Variants in OSBPL8 observed in about 807,000 individuals in gnomAD.
The protein encoded by OSBPL8 is oxysterol-binding protein-related protein 8.
OSBPL8 carries 59 observed loss-of-function variants against 125.5 expected under a neutral mutation model. That is an observed-to-expected ratio of 0.47 (90% CI 0.38 to 0.58). OSBPL8 has a LOEUF of 0.58. Ranked by LOEUF, OSBPL8 falls within the 20% of genes least tolerant of loss-of-function variation. OSBPL8 has a pLI of 0.00. For missense variants in OSBPL8, 758 were observed against 1,047.8 expected (o/e 0.72, Z 3.82); for synonymous variants, 330 against 338.9 (o/e 0.97, Z 0.29).
chr12:76,388,871 G>A (rs747914340), intron 12 of OSBPL8, among the ~76,000 whole-genome samples: 4 of 151,516 alleles, frequency 2.6e-5, no homozygotes, highest in African/African-American at 9.7e-5. Context: ...TTCAATGTTC[G>A]CTCATGCCAT....
At chr12:76,424,485 T>C (rs1052516650) in intron 4 of OSBPL8, among the ~76,000 whole-genome samples, 11 of 152,190 alleles carry the variant, frequency 7.2e-5, no homozygotes, top group Admixed American at 5.2e-4. Context: ...TTATTAACTG[T>C]AGACAACAAA....
chr12:76,507,297 A>G (rs1386010702), intron 1 of OSBPL8, among the ~76,000 whole-genome samples: 1 of 151,750 alleles, frequency 6.6e-6, no homozygotes, highest in Non-Finnish European at 1.5e-5. Context: ...GTCACAGGGA[A>G]AAGGAAGGAG....
chr12:76,381,366 T>C (rs956444345), intron 15 of OSBPL8, among the ~76,000 whole-genome samples: 1 of 152,200 alleles, frequency 6.6e-6, no homozygotes, highest in African/African-American at 2.4e-5. Context: ...CTGGAGTATA[T>C]CCTTGAAGAA....
chr12:76,366,469 T>C (rs932748691), intron 21 of OSBPL8: 5 of 347,488 alleles, frequency 1.4e-5, no homozygotes, highest in African/African-American at 1.1e-4. Flanking sequence ...ATCGATTTTG[T>C]TGATTTTTAT....
chr12:76,410,622 CCT>C lies in OSBPL8; in HGVS notation c.228_229del (p.Gly77GlufsTer8). On this transcript the variant is annotated frameshift_variant, in exon 5 of 24. Coordinates refer to ENST00000261183, the MANE Select transcript of OSBPL8 (RefSeq NM_020841.5). LOFTEE classifies it high-confidence loss of function. ...TTTATTTTGAGAAATATCTTCCTTC[CCT>C]CTTTCAAAACCTTAAAAAAATAGTC... 6.2e-7 allele frequency: 1 copy of C among 1,604,950 alleles called. No homozygotes were observed. The highest frequency in any genetic ancestry group is 8.5e-7 in the Non-Finnish European group (1 of 1,172,938).
chr12:76,377,743 T>C (rs914926765), intron 16 of OSBPL8, among the ~76,000 whole-genome samples: 1 of 152,136 alleles, frequency 6.6e-6, no homozygotes, highest in Non-Finnish European at 1.5e-5. Flanking sequence ...TGATGCAAAA[T>C]AGTTGAAAGT....
At chr12:76,556,517 C>T (rs1429101479) in intron 1 of OSBPL8, among the ~76,000 whole-genome samples, 1 of 152,220 alleles carries the variant, frequency 6.6e-6, no homozygotes, top group South Asian at 2.1e-4. Context: ...ATGAAATATG[C>T]ACACAACATG....
intron 21 of OSBPL8, among the ~76,000 whole-genome samples, chr12:76,364,922 C>T (rs573599404): frequency 1.3e-5 from 2 of 152,224 alleles, no homozygotes; most frequent in Admixed American, 6.5e-5. Context: ...GGAATATTGA[C>T]ATGGATTGTG....
intron 4 of OSBPL8, among the ~76,000 whole-genome samples, chr12:76,448,126 A>G (rs931955170): frequency 1.3e-5 from 2 of 152,162 alleles, no homozygotes; most frequent in African/African-American, 4.8e-5. Context: ...CACATTAAGT[A>G]TTTTGGGGTA....
intron 2 of OSBPL8, among the ~76,000 whole-genome samples, chr12:76,484,540 A>C (rs1877917369): frequency 6.6e-6 from 1 of 152,204 alleles, no homozygotes; most frequent in Admixed American, 6.5e-5. Context: ...ATATTTTCTC[A>C]ATTAATATTG....
At chr12:76,391,244 A>T (rs1298148411) in intron 10 of OSBPL8, among the ~76,000 whole-genome samples, 1 of 152,218 alleles carries the variant, frequency 6.6e-6, no homozygotes, top group Non-Finnish European at 1.5e-5. Flanking sequence ...GAGAGAATTA[A>T]AAATGAAAAT....
chr12:76,550,517 G>A (rs891619266), intron 1 of OSBPL8, among the ~76,000 whole-genome samples: 1 of 152,072 alleles, frequency 6.6e-6, no homozygotes, highest in East Asian at 1.9e-4. Context: ...GGCTTCCCTG[G>A]ACCACACTGG....
chr12:76,367,830 C>T (rs12426026), intron 21 of OSBPL8, among the ~76,000 whole-genome samples: 13,805 of 152,204 alleles, frequency 0.091, 1,020 homozygotes, highest in East Asian at 0.3. Flanking sequence ...AACTTTCCTC[C>T]TATACAGCTC....
intron 4 of OSBPL8, among the ~76,000 whole-genome samples, chr12:76,449,781 T>C (rs964370433): frequency 1.3e-5 from 2 of 152,316 alleles, no homozygotes; most frequent in East Asian, 3.9e-4. Context: ...AAATGACTAA[T>C]GCATGATGTT....
intron 1 of OSBPL8, among the ~76,000 whole-genome samples, chr12:76,559,145 TCCCA>T (rs1365495156): frequency 6.6e-6 from 1 of 152,064 alleles, no homozygotes; most frequent in African/African-American, 2.4e-5. Flanking sequence ...TCCAACAGCC[TCCCA>T]CCCCCGTTCC....
At chr12:76,458,958 T>C (rs1481832331) in intron 3 of OSBPL8, among the ~76,000 whole-genome samples, 1 of 152,178 alleles carries the variant, frequency 6.6e-6, no homozygotes, top group Non-Finnish European at 1.5e-5. Flanking sequence ...TCAATATAAT[T>C]TTCTATATTA....
chr12:76,507,043 A>G (rs560191409), intron 1 of OSBPL8, among the ~76,000 whole-genome samples: 11 of 151,750 alleles, frequency 7.2e-5, no homozygotes, highest in Non-Finnish European at 1.6e-4. Context: ...TTTGACAACC[A>G]TATTGACTCA....
intron 1 of OSBPL8, among the ~76,000 whole-genome samples, chr12:76,545,175 G>A (rs1447389323): frequency 6.6e-6 from 1 of 152,146 alleles, no homozygotes; most frequent in African/African-American, 2.4e-5. Context: ...GCCTCTTAAA[G>A]ATAATGCTTG....
At chr12:76,452,764 C>T (rs114851112) in intron 3 of OSBPL8, among the ~76,000 whole-genome samples, 1,708 of 152,274 alleles carry the variant, frequency 0.011, 33 homozygotes, top group African/African-American at 0.039. Context: ...CTGTCACTCA[C>T]TTGGCTCCTG....
Sources: gnomAD v4.1 joint callset for allele counts (sites outside exome capture counted in the v4.1 genomes callset) on GRCh38, gnomAD v4.1.1 for gene constraint, MANE v1.5 for transcripts, NCBI Gene and HGNC (gene_info 2026-07-23, HGNC 2026-07-21) for gene names.